The following GRM1 variants were observed in gnomAD, a reference collection of about 807,000 sequenced individuals.
GRM1 encodes metabotropic glutamate receptor 1.
In GRM1, 33 loss-of-function variants were observed where a neutral mutation model predicts 90.9. That is an observed-to-expected ratio of 0.36 (90% CI 0.28 to 0.49). The LOEUF (loss-of-function observed/expected upper bound fraction) is 0.49. GRM1 is among the 20% of genes least tolerant of loss of function. The pLI, the probability that GRM1 is intolerant of heterozygous loss-of-function variation, is 0.99. For synonymous variants in GRM1, 700 were observed against 613.2 expected (o/e 1.14, Z -2.09); for missense variants, 1,190 against 1,534.3 (o/e 0.78, Z 3.75).
chr6:146,107,405 C>G (rs566594341), intron 1 of GRM1, among the ~76,000 whole-genome samples: 1 of 151,106 alleles, frequency 6.6e-6, no homozygotes, highest in African/African-American at 2.4e-5. Context: ...TTACTTACAA[C>G]GCTTTCAGAC....
intron 2 of GRM1, among the ~76,000 whole-genome samples, chr6:146,271,913 A>G (rs1043868202): frequency 6.6e-6 from 1 of 152,216 alleles, no homozygotes; most frequent in African/African-American, 2.4e-5. Context: ...ATGTTTTTCT[A>G]ACACTTTGCA....
chr6:146,245,969 A>G (rs1210204089), intron 2 of GRM1, among the ~76,000 whole-genome samples: 1 of 152,228 alleles, frequency 6.6e-6, no homozygotes, highest in Non-Finnish European at 1.5e-5. Context: ...AATCTTCCAC[A>G]GTTCCTGCTG....
chr6:146,233,071 T>C (rs1446901661), intron 2 of GRM1, among the ~76,000 whole-genome samples: 1 of 152,088 alleles, frequency 6.6e-6, no homozygotes, highest in African/African-American at 2.4e-5. Flanking sequence ...AAACAGCTCA[T>C]AGTTTATTTT....
chr6:146,328,756 C>T (rs1235908632), intron 3 of GRM1, among the ~76,000 whole-genome samples: 2 of 152,116 alleles, frequency 1.3e-5, no homozygotes, highest in African/African-American at 4.8e-5. Flanking sequence ...CTTCACCTTT[C>T]CAGTTGTCAG....
chr6:146,414,680 G>A (rs1267649068), intron 7 of GRM1, among the ~76,000 whole-genome samples: 1 of 152,216 alleles, frequency 6.6e-6, no homozygotes, highest in South Asian at 2.1e-4. Flanking sequence ...GGCATTACAG[G>A]TGTGAGCCAC....
At chr6:146,367,840 T>C (rs576354954) in intron 5 of GRM1, among the ~76,000 whole-genome samples, 1 of 152,280 alleles carries the variant, frequency 6.6e-6, no homozygotes, top group Non-Finnish European at 1.5e-5. Context: ...AGCTTGATTC[T>C]GTGTTTTTGC....
At chr6:146,093,536 C>T (rs1266667581) in intron 1 of GRM1, among the ~76,000 whole-genome samples, 2 of 152,210 alleles carry the variant, frequency 1.3e-5, no homozygotes, top group East Asian at 3.9e-4. Flanking sequence ...TTGTGGCTGG[C>T]CCTCACTGAA....
chr6:146,315,631 C>A (rs375024426), intron 3 of GRM1, among the ~76,000 whole-genome samples: 1 of 152,236 alleles, frequency 6.6e-6, no homozygotes, highest in East Asian at 1.9e-4. Flanking sequence ...CTGGGTCCTA[C>A]GCCATACAAA....
intron 3 of GRM1, among the ~76,000 whole-genome samples, chr6:146,344,472 C>G (rs1785099884): frequency 6.6e-6 from 1 of 152,088 alleles, no homozygotes; most frequent in African/African-American, 2.4e-5. Context: ...TAAGTCTGGA[C>G]CCTGCATTTG....
intron 2 of GRM1, among the ~76,000 whole-genome samples, chr6:146,246,600 A>C (rs1781067398): frequency 6.6e-6 from 1 of 152,222 alleles, no homozygotes. Flanking sequence ...TGGGAAGTTC[A>C]CCATGTTCTA....
intron 7 of GRM1, among the ~76,000 whole-genome samples, chr6:146,412,290 A>G (rs1777599455): frequency 6.6e-6 from 1 of 152,196 alleles, no homozygotes; most frequent in Admixed American, 6.5e-5. Context: ...GACAAAAATA[A>G]GCCCTGCATT....
At chr6:146,061,890 G>T (rs1775683248) in intron 1 of GRM1, among the ~76,000 whole-genome samples, 1 of 152,146 alleles carries the variant, frequency 6.6e-6, no homozygotes, top group Non-Finnish European at 1.5e-5. Context: ...CTTTTACATT[G>T]TTGATGGGAG....
intron 2 of GRM1, among the ~76,000 whole-genome samples, chr6:146,187,636 C>A (rs992014253): frequency 5.3e-5 from 8 of 151,806 alleles, no homozygotes; most frequent in Admixed American, 2.6e-4. Context: ...CGGACAACAA[C>A]AAAAATGGAT....
chr6:146,122,843 T>C (rs566907297), intron 1 of GRM1, among the ~76,000 whole-genome samples: 14 of 122,870 alleles, frequency 1.1e-4, no homozygotes, highest in East Asian at 6.3e-4. Flanking sequence ...TTCTTTCTTT[T>C]TTTTTTTTTT....
intron 3 of GRM1, among the ~76,000 whole-genome samples, chr6:146,329,746 G>C (rs1583334614): frequency 6.6e-6 from 1 of 152,248 alleles, no homozygotes; most frequent in East Asian, 1.9e-4. Context: ...TCATAGCTTA[G>C]CCTAGCCTGC....
At chr6:146,316,196 G>A (rs575794362) in intron 3 of GRM1, among the ~76,000 whole-genome samples, 19 of 152,258 alleles carry the variant, frequency 1.2e-4, no homozygotes, top group South Asian at 6.2e-4. Flanking sequence ...GGCCACTCAC[G>A]TGTCTTGGCT....
At chr6:146,060,081 C>T (rs184675622) in intron 1 of GRM1, among the ~76,000 whole-genome samples, 143 of 152,198 alleles carry the variant, frequency 9.4e-4, no homozygotes, top group Admixed American at 2.1e-3. Flanking sequence ...GCATTCACAA[C>T]TTGGCTAACT....
chr6:146,255,225 T>C (rs1781437852), intron 2 of GRM1, among the ~76,000 whole-genome samples: 1 of 152,182 alleles, frequency 6.6e-6, no homozygotes, highest in Non-Finnish European at 1.5e-5. Flanking sequence ...ACATATATTT[T>C]GGCCTAAGAT....
intron 1 of GRM1, among the ~76,000 whole-genome samples, chr6:146,057,839 TA>T (rs1445767777): frequency 6.6e-6 from 1 of 152,080 alleles, no homozygotes; most frequent in East Asian, 1.9e-4. Flanking sequence ...TAAAGAAGAT[TA>T]CTTTGGTTTG....
Sources: allele counts gnomAD v4.1 joint callset (sites outside exome capture counted in the v4.1 genomes callset), GRCh38; gene constraint gnomAD v4.1.1; transcripts MANE v1.5; gene names NCBI Gene and HGNC (gene_info 2026-07-23, HGNC 2026-07-21).